Variants in NCKAP5 observed in about 807,000 individuals in gnomAD.
NCKAP5 encodes the protein NCK associated protein 5.
A neutral mutation model predicts 167.0 loss-of-function variants in NCKAP5; 92 were observed. The observed-to-expected ratio is 0.55, with a 90% confidence interval of 0.47 to 0.66. The LOEUF is 0.66. Among genes scored for constraint, NCKAP5 ranks in the 30% least tolerant of loss-of-function variants. The pLI is 0.00. For missense variants in NCKAP5, 2,378 were observed against 2,315.0 expected, an observed-to-expected ratio of 1.03 and a Z score of -0.56; for synonymous variants, 891 against 877.4, an observed-to-expected ratio of 1.02 and a Z score of -0.27.
At chr2:133,264,129 ATGTTACG>A (rs1431413051) in intron 4 of NCKAP5, among the ~76,000 whole-genome samples, 1 of 152,196 alleles carries the variant, frequency 6.6e-6, no homozygotes, top group Non-Finnish European at 1.5e-5. Context: ...GGTAATATAC[ATGTTACG>A]TGCATTTCAC....
At chr2:133,331,091 T>C (rs1390241836) in intron 3 of NCKAP5, among the ~76,000 whole-genome samples, 1 of 152,186 alleles carries the variant, frequency 6.6e-6, no homozygotes, top group African/African-American at 2.4e-5. Flanking sequence ...TGTGTAGTTT[T>C]AGGTAAAAGA....
intron 3 of NCKAP5, among the ~76,000 whole-genome samples, chr2:133,312,805 G>C (rs1681339210): frequency 6.6e-6 from 1 of 152,100 alleles, no homozygotes; most frequent in South Asian, 2.1e-4. Flanking sequence ...ATAAATATTG[G>C]TCAATTCTTT....
intron 3 of NCKAP5, chr2:133,433,914 G>T (rs771788912): frequency 1.3e-5 from 2 of 152,162 alleles, no homozygotes; most frequent in Non-Finnish European, 2.9e-5. Context: ...GCTCAAGGAC[G>T]TTTGGTTTTG....
chr2:132,855,540 A>G (rs944371734), intron 11 of NCKAP5, among the ~76,000 whole-genome samples: 3 of 152,222 alleles, frequency 2.0e-5, no homozygotes, highest in Non-Finnish European at 4.4e-5. Flanking sequence ...TCATAAGGTG[A>G]ACTTATATCC....
At chr2:133,341,817 T>C (rs1683607234) in intron 3 of NCKAP5, among the ~76,000 whole-genome samples, 1 of 152,242 alleles carries the variant, frequency 6.6e-6, no homozygotes, top group African/African-American at 2.4e-5. Context: ...TTTAAAGTTA[T>C]ATAGAACCAC....
chr2:133,039,483 A>G (rs2079143789), intron 6 of NCKAP5, among the ~76,000 whole-genome samples: 1 of 152,176 alleles, frequency 6.6e-6, no homozygotes, highest in African/African-American at 2.4e-5. Flanking sequence ...TTGATCTTGA[A>G]TTTGGAGCAA....
chr2:132,871,555 T>C (rs1380584114), intron 9 of NCKAP5, among the ~76,000 whole-genome samples: 1 of 152,188 alleles, frequency 6.6e-6, no homozygotes, highest in Non-Finnish European at 1.5e-5. Flanking sequence ...CTATCCATGA[T>C]TTATCAGGAG....
At chr2:133,493,892 C>G (rs1681692008) in intron 3 of NCKAP5, among the ~76,000 whole-genome samples, 1 of 152,196 alleles carries the variant, frequency 6.6e-6, no homozygotes, top group Non-Finnish European at 1.5e-5. Flanking sequence ...CCAAGGCCAG[C>G]TGCTCCCTGG....
intron 5 of NCKAP5, among the ~76,000 whole-genome samples, chr2:133,149,425 G>A (rs929519581): frequency 2.0e-5 from 3 of 151,888 alleles, no homozygotes; most frequent in African/African-American, 4.8e-5. Flanking sequence ...TTCCCTAAAC[G>A]AAGTACCACT....
At chr2:132,673,331 G>T in intron 19 of NCKAP5, 26 bp from the exon 20 acceptor site, 3 of 1,401,860 alleles carry the variant, frequency 2.1e-6, no homozygotes, top group Non-Finnish European at 2.9e-6. Context: ...GAAAATATTA[G>T]AAACATATTT....
chr2:133,438,474 A>C (rs573031612), intron 3 of NCKAP5, among the ~76,000 whole-genome samples: 2 of 152,330 alleles, frequency 1.3e-5, no homozygotes, highest in African/African-American at 4.8e-5. Flanking sequence ...AAATAATCCC[A>C]GTTATTTGCA....
chr2:133,656,551 G>T, the NCKAP5 span, among the ~76,000 whole-genome samples: 2 of 152,112 alleles, frequency 1.3e-5, no homozygotes, highest in Admixed American at 1.3e-4. Context: ...GAAGAATAAA[G>T]ATAAATTCCT....
At chr2:133,044,239 T>C (rs2079312092) in intron 6 of NCKAP5, among the ~76,000 whole-genome samples, 1 of 152,132 alleles carries the variant, frequency 6.6e-6, no homozygotes, top group South Asian at 2.1e-4. Flanking sequence ...AAAAGTCTGA[T>C]AAACACAACT....
chr2:133,097,453 C>A (rs543126731), intron 6 of NCKAP5, among the ~76,000 whole-genome samples: 2 of 152,286 alleles, frequency 1.3e-5, no homozygotes, highest in African/African-American at 4.8e-5. Flanking sequence ...AATTTAGTTT[C>A]TTTGGCTTGT....
At chr2:133,605,696 C>T in the NCKAP5 span, among the ~76,000 whole-genome samples, 2 of 152,224 alleles carry the variant, frequency 1.3e-5, no homozygotes, top group Admixed American at 1.3e-4. Context: ...GTTTGCCCAG[C>T]ACAGTGCTTT....
chr2:133,109,209 C>G (rs1018052142), intron 6 of NCKAP5, among the ~76,000 whole-genome samples: 1 of 152,194 alleles, frequency 6.6e-6, no homozygotes, highest in African/African-American at 2.4e-5. Context: ...TAAGATACCA[C>G]TTACTTGATT....
At chr2:133,266,882 C>T (rs967777920) in intron 4 of NCKAP5, among the ~76,000 whole-genome samples, 1 of 152,156 alleles carries the variant, frequency 6.6e-6, no homozygotes, top group East Asian at 1.9e-4. Context: ...GCCCGGCGGG[C>T]GGCTCGGCTT....
chr2:133,124,522 A>G (rs1396011091), intron 6 of NCKAP5, among the ~76,000 whole-genome samples: 2 of 152,210 alleles, frequency 1.3e-5, no homozygotes, highest in African/African-American at 4.8e-5. Context: ...TGCAATCATT[A>G]ATTTCATCTG....
chr2:133,095,288 T>C (rs1398836928), intron 6 of NCKAP5, among the ~76,000 whole-genome samples: 1 of 152,222 alleles, frequency 6.6e-6, no homozygotes, highest in Non-Finnish European at 1.5e-5. Context: ...TAGTATTCCA[T>C]AGTATGTGGT....
Sources: gnomAD v4.1 joint callset for allele counts (sites outside exome capture counted in the v4.1 genomes callset) on GRCh38, gnomAD v4.1.1 for gene constraint, MANE v1.5 for transcripts, NCBI Gene and HGNC (gene_info 2026-07-23, HGNC 2026-07-21) for gene names.